TMEM120A: variants seen among roughly 807,000 people sequenced by gnomAD.
TMEM120A encodes the protein transmembrane protein 120A.
Under a neutral mutation model 54.3 loss-of-function variants are expected in TMEM120A, and 45 were observed. The ratio of observed to expected loss-of-function variants is 0.83; its 90% CI spans 0.65 to 1.06. The LOEUF (loss-of-function observed/expected upper bound fraction) is 1.06, where lower values mean the gene tolerates loss of function less well. Among genes scored for constraint, TMEM120A ranks in the 50% least tolerant of loss-of-function variants. The probability of loss-of-function intolerance (pLI) is 0.00; values close to 1 mark genes in which losing one functional copy is unlikely to be tolerated. For synonymous variants in TMEM120A, 204 were observed against 178.5 expected (o/e 1.14, Z -1.14); for missense variants, 424 against 441.7 (o/e 0.96, Z 0.36).
intron 3 of TMEM120A, among the ~76,000 whole-genome samples, chr7:75,989,832 G>C (rs1429201517): frequency 6.6e-6 from 1 of 151,884 alleles, no homozygotes; most frequent in East Asian, 1.9e-4. Context: ...GAGTCCCCAG[G>C]CCACCCGCCA....
intron 3 of TMEM120A, 29 bp from the exon 4 acceptor site, chr7:75,989,253 A>G: frequency 1.3e-6 from 2 of 1,490,834 alleles, no homozygotes; most frequent in Non-Finnish European, 1.8e-6. Flanking sequence ...GGGTGAGGAG[A>G]AGCCCGAGTG....
At chr7:75,989,048 G>GGT (rs1554561177) in intron 4 of TMEM120A, 117 bp downstream of exon 4, 37,134 of 156,930 alleles carry the variant, frequency 0.24, 13,932 homozygotes, top group Non-Finnish European at 0.37. Flanking sequence ...GGGGTGGAGG[G>GGT]GAAGGCCGGG....
chr7:75,992,579 C>T (rs1563445158), intron 1 of TMEM120A, 22 bp from the exon 2 acceptor site: 1 of 1,536,218 alleles, frequency 6.5e-7, no homozygotes, highest in Non-Finnish European at 8.8e-7. Context: ...AGGGGAGAGG[C>T]TCAGGCCAGT....
At chr7:75,989,133 G>A in intron 4 of TMEM120A, 32 bp downstream of exon 4, 1 of 827,026 alleles carries the variant, frequency 1.2e-6, no homozygotes, top group Non-Finnish European at 1.8e-6. Context: ...TGGAGGGGTG[G>A]AGGTTGGGGG....
In TMEM120A at chr7:75,988,136, C is replaced by T. The variant is rs1184812309; in HGVS notation, c.576G>A (p.Trp192Ter). 2 of 1,610,494 alleles carry T rather than the reference C, an allele frequency of 1.2e-6. No individual in the cohort carries two copies. The highest frequency in any genetic ancestry group is 1.7e-6 in the Non-Finnish European group (2 of 1,178,982). ...TGGACACGTAGTGATGGAACACCCACCAGCCTTTGATCCTGGAGCAGAGAG... is the reference window on the plus strand; with the variant it reads ...TGGACACGTAGTGATGGAACACCCATCAGCCTTTGATCCTGGAGCAGAGAG... ...LINNGSRIKGWWVFHHYVSTF... is the reference protein window; with the variant it reads ...LINNGSRIKG The change falls in exon 7 of 12, where the codon TGG becomes TGA. Residue 192 changes from tryptophan to a stop codon, truncating the protein, a stop_gained. Transcript: ENST00000493111. LOFTEE classifies it high-confidence loss of function.
chr7:75,993,546 G>A (rs553554867), intron 1 of TMEM120A, among the ~76,000 whole-genome samples: 1 of 152,250 alleles, frequency 6.6e-6, no homozygotes, highest in Non-Finnish European at 1.5e-5. Context: ...GGTCTGCTCA[G>A]TCTCTGGGGA....
chr7:75,992,426 A>C lies in TMEM120A; in HGVS notation c.200+13T>G. 3 of 1,582,870 alleles carry C rather than the reference A, an allele frequency of 1.9e-6. No individual in the cohort carries two copies. Among genetic ancestry groups the C allele is most frequent in the Non-Finnish European group, 2.6e-6 (3 of 1,163,862 alleles). On this transcript the variant is annotated intron_variant, in intron 2 of 11. Coordinates refer to ENST00000493111, the MANE Select transcript of TMEM120A (RefSeq NM_031925.3). Reference sequence around the variant, plus strand: ...ACACTCTGCCCATGGCGGGTGGGGTAGGGGATCCTAACTTCTTCAGGGCGA... The same window carrying C: ...ACACTCTGCCCATGGCGGGTGGGGTCGGGGATCCTAACTTCTTCAGGGCGA...
At position 75,987,114 on chromosome 7, in the gene TMEM120A, C is replaced by T; in HGVS notation, c.*58G>A. On this transcript the variant is annotated 3_prime_UTR_variant, in exon 12 of 12. Coordinates refer to ENST00000493111, the MANE Select transcript of TMEM120A (RefSeq NM_031925.3). Reference sequence around the variant, plus strand: ...CGCACACTCGAGGGGCGCCTCCCATCCCCTCCCACAACACACAGGACAGAA... The same window carrying T: ...CGCACACTCGAGGGGCGCCTCCCATTCCCTCCCACAACACACAGGACAGAA... 2 of 1,438,568 alleles carry T rather than the reference C, an allele frequency of 1.4e-6. No individual in the cohort carries two copies. The highest frequency in any genetic ancestry group is 1.7e-4 in the Middle Eastern group (1 of 5,778). The allele number at this position is 1,438,568 out of a possible 1,614,324, so 89.1% of individuals were successfully genotyped here.
In TMEM120A at chr7:75,987,377, G is replaced by T. The variant is rs1789562170; in HGVS notation, c.901C>A (p.Gln301Lys). Reference protein sequence around the residue: ...LTLFNLAQDPQCKEWQVLMCG... With the variant: ...LTLFNLAQDPKCKEWQVLMCG... ...CGGCTCACCTGCCACTCCTTGCACT[G>T]AGGGTCCTGGGCCAGGTTGAACAAC... Residue 301 changes from glutamine to lysine, a missense_variant, in exon 11 of 12, where the codon CAG (glutamine) becomes AAG (lysine). Gln to Lys is a moderately conservative substitution (Grantham distance 53, BLOSUM62 1). Coordinates refer to ENST00000493111, the MANE Select transcript of TMEM120A (RefSeq NM_031925.3). 1 of 1,566,502 alleles carries T rather than the reference G, an allele frequency of 6.4e-7. No homozygotes were observed.
intron 4 of TMEM120A, 111 bp from the exon 5 acceptor site, chr7:75,988,627 T>TGGGG (rs1308836313): frequency 1.3e-5 from 4 of 303,476 alleles, no homozygotes; most frequent in African/African-American, 7.8e-5. Context: ...GAAGGCCGGG[T>TGGGG]TGGGGGGTGG....
chr7:75,992,146 A>C lies in TMEM120A; in HGVS notation c.315T>G (p.Asn105Lys). Reference protein sequence around the residue: ...FDMEAYLPKKNGLYLSLVLGN... With the variant: ...FDMEAYLPKKKGLYLSLVLGN... ...GGGGTGGCGGTGGGGGCCCTCACCC[A>C]TTCTTCTTAGGCAAATAGGCCTCCA... The change falls in exon 3 of 12, where the codon AAT becomes AAG. Residue 105 changes from asparagine (N) to lysine (K), a missense_variant and splice_region_variant. Asn to Lys is a moderately conservative substitution (Grantham distance 94, BLOSUM62 0). Coordinates refer to ENST00000493111, the MANE Select transcript of TMEM120A (RefSeq NM_031925.3). 1 of 1,596,838 alleles carries C rather than the reference A, an allele frequency of 6.3e-7. No individual in the cohort carries two copies. The highest frequency in any genetic ancestry group is 8.5e-7 in the Non-Finnish European group (1 of 1,170,818).
intron 1 of TMEM120A, among the ~76,000 whole-genome samples, 166 bp downstream of exon 1, chr7:75,994,324 G>A (rs536017090): frequency 1.3e-5 from 2 of 152,216 alleles, no homozygotes; most frequent in East Asian, 1.9e-4. Flanking sequence ...TGGAGGTGGT[G>A]GCAGTGGACA....
chr7:75,989,081 G>T, intron 4 of TMEM120A, 84 bp downstream of exon 4: 1 of 457,600 alleles, frequency 2.2e-6, no homozygotes, highest in East Asian at 4.0e-5. Context: ...GCTGGGTGGA[G>T]GGGTGGAGGT....
At position 75,987,308 on chromosome 7, in the gene TMEM120A, G is replaced by A. The variant is rs781885272; in HGVS notation, c.919-23C>T. The A allele has an allele frequency of 1.9e-6, 3 of 1,577,148 alleles. No homozygotes were observed. The South Asian group carries it at 3.5e-5, about 18-fold the overall frequency. ...CACCTGCCGGAGGAATAGGGTGAGG[G>A]CTGGACATGGGCCTGGCCCCCCATC... On this transcript the variant is annotated intron_variant, in intron 11 of 11. Coordinates refer to ENST00000493111, the MANE Select transcript of TMEM120A (RefSeq NM_031925.3).
intron 1 of TMEM120A, among the ~76,000 whole-genome samples, chr7:75,994,203 GC>G: frequency 6.6e-6 from 1 of 152,322 alleles, no homozygotes; most frequent in South Asian, 2.1e-4. Flanking sequence ...GACTCAGGCG[GC>G]CGCTCTCTTC....
Position 75,994,553 on chromosome 7 carries a change from C to A in TMEM120A, c.18G>T (p.Pro6=). 6.5e-7 allele frequency: 1 copy of A among 1,550,206 alleles called. No individual in the cohort carries two copies. The highest frequency in any genetic ancestry group is 8.7e-7 in the Non-Finnish European group (1 of 1,148,218). Residue 6 remains proline (P), a synonymous_variant, in exon 1 of 12, where the codon CCG becomes CCT. Coordinates refer to ENST00000493111, the MANE Select transcript of TMEM120A (RefSeq NM_031925.3). MQPPP[P]GPLGDCLRDW... is the part of the protein sequence containing the mutation. ...CCCGCAGGCAGTCGCCCAGCGGGCC[C>A]GGGGGCGGGGGCTGCATGGCTGCAG...
At chr7:75,994,371 C>T in intron 1 of TMEM120A, 119 bp downstream of exon 1, 3 of 877,798 alleles carry the variant, frequency 3.4e-6, no homozygotes, top group Admixed American at 2.5e-5. Context: ...GGCAGTGACG[C>T]CAGGGCCCCG....
intron 3 of TMEM120A, among the ~76,000 whole-genome samples, chr7:75,990,950 T>C (rs1789823816): frequency 6.6e-6 from 1 of 150,604 alleles, no homozygotes; most frequent in South Asian, 2.1e-4. Context: ...CTCCCTTCCT[T>C]GGCTCTTCTG....
intron 4 of TMEM120A, 80 bp downstream of exon 4, chr7:75,989,085 T>TGGAGGGTGAGGGGGGGAGGGGG: frequency 2.7e-6 from 1 of 364,846 alleles, no homozygotes; most frequent in South Asian, 2.5e-5. Flanking sequence ...GGTGGAGGGG[T>TGGAGGGTGAGGGGGGGAGGGGG]GGAGGTTGAG....
Sources: allele counts gnomAD v4.1 joint callset (sites outside exome capture counted in the v4.1 genomes callset), GRCh38; gene constraint gnomAD v4.1.1; transcripts MANE v1.5; gene names NCBI Gene and HGNC (gene_info 2026-07-23, HGNC 2026-07-21).